The following CTNNA3 variants were observed in gnomAD, a reference collection of about 807,000 sequenced individuals.
The protein encoded by CTNNA3 is catenin alpha-3.
In CTNNA3, 76 loss-of-function variants were observed where a neutral mutation model predicts 95.7. That is an observed-to-expected ratio of 0.79 (90% CI 0.66 to 0.96). The LOEUF is 0.96. Among genes scored for constraint, CTNNA3 ranks in the 40% least tolerant of loss-of-function variants. The pLI is 0.00. For missense variants in CTNNA3, 1,191 were observed against 1,089.8 expected, an observed-to-expected ratio of 1.09 and a Z score of -1.31; for synonymous variants, 431 against 374.4, an observed-to-expected ratio of 1.15 and a Z score of -1.74.
At chr10:67,061,362 T>A (rs1055482812) in intron 7 of CTNNA3, among the ~76,000 whole-genome samples, 4 of 152,214 alleles carry the variant, frequency 2.6e-5, no homozygotes, top group Non-Finnish European at 4.4e-5. Context: ...ATTTACAAAA[T>A]AGAAACGTTT....
chr10:65,994,059 T>G (rs962007244), intron 15 of CTNNA3, among the ~76,000 whole-genome samples: 3 of 152,226 alleles, frequency 2.0e-5, no homozygotes, highest in Non-Finnish European at 4.4e-5. Flanking sequence ...TTAATCCATT[T>G]ACCTTCAAAG....
At chr10:67,586,125 ATACTTTC>A (rs1196671277) in intron 3 of CTNNA3, among the ~76,000 whole-genome samples, 4 of 152,116 alleles carry the variant, frequency 2.6e-5, no homozygotes, top group Admixed American at 6.6e-5. Context: ...ATGTGTCTGT[ATACTTTC>A]CAAAGTTCCT....
chr10:66,882,991 A>T (rs1314637034), intron 7 of CTNNA3, among the ~76,000 whole-genome samples: 1 of 152,024 alleles, frequency 6.6e-6, no homozygotes. Context: ...AGATCAATTA[A>T]ATCAGAATCT....
chr10:65,998,478 C>G (rs2078709457), intron 15 of CTNNA3, among the ~76,000 whole-genome samples: 1 of 152,146 alleles, frequency 6.6e-6, no homozygotes, highest in South Asian at 2.1e-4. Context: ...CTGAGTCTTA[C>G]CACACTGAAT....
At chr10:66,864,615 A>T (rs1844088046) in intron 7 of CTNNA3, among the ~76,000 whole-genome samples, 1 of 152,042 alleles carries the variant, frequency 6.6e-6, no homozygotes, top group African/African-American at 2.4e-5. Context: ...TTGAAATTTG[A>T]CTCTAGCTAG....
intron 5 of CTNNA3, among the ~76,000 whole-genome samples, chr10:67,290,061 C>T (rs972648818): frequency 1.3e-5 from 2 of 152,120 alleles, no homozygotes; most frequent in Non-Finnish European, 2.9e-5. Context: ...CTGCCTTGGC[C>T]TCCCAAAGTA....
chr10:67,691,260 A>C (rs898400393), intron 1 of CTNNA3, among the ~76,000 whole-genome samples: 10 of 152,176 alleles, frequency 6.6e-5, no homozygotes, highest in African/African-American at 1.9e-4. Context: ...ACCTCCCAGC[A>C]GCCTGCCTTG....
At chr10:67,693,003 G>A (rs1840898499) in intron 1 of CTNNA3, among the ~76,000 whole-genome samples, 1 of 152,096 alleles carries the variant, frequency 6.6e-6, no homozygotes, top group African/African-American at 2.4e-5. Context: ...AATCATCCTG[G>A]TTAGGATAAT....
rs533539600 is a variant in CTNNA3, at chr10:66,066,651, C to A, written c.2159+2657G>T. Among the ~76,000 whole-genome samples the A allele has an allele frequency of 2.6e-5, 4 of 152,176 alleles. No individual in the cohort carries two copies. In the East Asian group the frequency reaches 7.7e-4, roughly 29 times the overall value. ...TTAAAGAGGTATTTTTATGAAATTC[C>A]ATGTATAATACACAATAAATTTAAT... On this transcript the variant is annotated intron_variant, in intron 15 of 17. Transcript: ENST00000433211.
At chr10:66,619,772 G>A (rs941654925) in intron 10 of CTNNA3, among the ~76,000 whole-genome samples, 3 of 151,710 alleles carry the variant, frequency 2.0e-5, no homozygotes, top group Non-Finnish European at 4.4e-5. Context: ...ATGGCCATAT[G>A]TGAAAAAAAC....
rs1176512973 is a variant in CTNNA3, at chr10:67,476,001, G to A, written c.579+45841C>T. 5.9e-5 allele frequency among the ~76,000 whole-genome samples: 9 copies of A among 152,230 alleles called. No homozygotes were observed. In the South Asian group the frequency reaches 6.2e-4, roughly 11 times the overall value. ...GATAGCTGCAGTGATGAAGAGGGCC[G>A]GGGCCAGGATGATAGCCAGAGGATT... On this transcript the variant is annotated intron_variant, in intron 5 of 17. Transcript: ENST00000433211.
intron 15 of CTNNA3, among the ~76,000 whole-genome samples, chr10:66,042,899 CAAAAAAAAAAAAAA>C (rs60090636): frequency 1.8e-4 from 9 of 50,418 alleles, no homozygotes; most frequent in Admixed American, 3.5e-4. Context: ...GACTCTGTCT[CAAAAAAAAAAAAAA>C]AAAAAAAAAA....
intron 7 of CTNNA3, among the ~76,000 whole-genome samples, chr10:67,124,020 A>G (rs1859591981): frequency 6.6e-6 from 1 of 152,140 alleles, no homozygotes; most frequent in Non-Finnish European, 1.5e-5. Flanking sequence ...TCACCTGAAA[A>G]TTAGTTAGAA....
At chr10:67,184,824 T>C (rs964058182) in intron 6 of CTNNA3, among the ~76,000 whole-genome samples, 11 of 152,230 alleles carry the variant, frequency 7.2e-5, no homozygotes, top group Non-Finnish European at 1.5e-4. Flanking sequence ...GCTTCATTTT[T>C]ATCAGAATTC....
intron 13 of CTNNA3, among the ~76,000 whole-genome samples, chr10:66,241,042 ATG>A (rs113085881): frequency 0.21 from 32,461 of 151,958 alleles, 3,641 homozygotes; most frequent in South Asian, 0.29. Flanking sequence ...ACACATAAGA[ATG>A]AGAAACTCAG....
At chr10:66,650,924 A>C (rs531708645) in intron 9 of CTNNA3, among the ~76,000 whole-genome samples, 6 of 152,120 alleles carry the variant, frequency 3.9e-5, no homozygotes, top group Admixed American at 3.9e-4. Flanking sequence ...GGAAACCCCA[A>C]CACGTTGCCA....
intron 10 of CTNNA3, among the ~76,000 whole-genome samples, chr10:66,592,781 A>C (rs1843595749): frequency 6.6e-6 from 1 of 152,186 alleles, no homozygotes; most frequent in Admixed American, 6.5e-5. Context: ...CTTTATGTCA[A>C]GGTTTGGCAG....
At chr10:66,454,202 G>A (rs992495114) in intron 11 of CTNNA3, among the ~76,000 whole-genome samples, 2 of 152,190 alleles carry the variant, frequency 1.3e-5, no homozygotes, top group African/African-American at 2.4e-5. Flanking sequence ...CCTTGATTTA[G>A]TCCTGTGTAA....
intron 15 of CTNNA3, among the ~76,000 whole-genome samples, chr10:66,038,027 C>T (rs146398220): frequency 7.4e-4 from 112 of 152,246 alleles, no homozygotes; most frequent in African/African-American, 1.6e-3. Flanking sequence ...AGAAGCTCTA[C>T]GCATTGCTTT....
Sources: gnomAD v4.1 joint callset for allele counts (sites outside exome capture counted in the v4.1 genomes callset) on GRCh38, gnomAD v4.1.1 for gene constraint, MANE v1.5 for transcripts, NCBI Gene and HGNC (gene_info 2026-07-23, HGNC 2026-07-21) for gene names.